CGGBP1: variants seen among roughly 807,000 people sequenced by gnomAD.
CGGBP1 encodes the protein CGG triplet repeat-binding protein 1.
CGGBP1 carries 4 observed loss-of-function variants against 11.4 expected under a neutral mutation model. The observed-to-expected ratio is 0.35, with a 90% CI of 0.17 to 0.80. CGGBP1 has a LOEUF of 0.80. Ranked by LOEUF, CGGBP1 falls within the 30% of genes least tolerant of loss-of-function variation. The pLI is 0.52. For missense variants in CGGBP1, 135 were observed against 202.1 expected, an observed-to-expected ratio of 0.67 and a Z score of 2.01; for synonymous variants, 76 against 74.1, an observed-to-expected ratio of 1.03 and a Z score of -0.13.
At chr3:88,131,803 C>T (rs1201816243) in intron 2 of CGGBP1, among the ~76,000 whole-genome samples, 1 of 151,970 alleles carries the variant, frequency 6.6e-6, no homozygotes, top group African/African-American at 2.4e-5. Context: ...CCTTTTCTTC[C>T]TATTAAAAGT....
upstream of CGGBP1, among the ~76,000 whole-genome samples, chr3:88,061,426 T>C (rs569307142): frequency 2.0e-5 from 3 of 152,314 alleles, no homozygotes; most frequent in East Asian, 5.8e-4. Flanking sequence ...TGAACGTTTA[T>C]TTTCTATTGC....
At position 88,126,528 on chromosome 3, in the gene CGGBP1, G is replaced by A. The variant is rs146934589; in HGVS notation, c.-229+14442C>T. 3.6e-4 allele frequency among the ~76,000 whole-genome samples: 51 copies of A among 142,488 alleles called. 1 individual carries two copies. The East Asian group carries it at 0.011, about 30-fold the overall frequency. 93.5% of individuals were successfully genotyped at this position (142,488 alleles called of 152,430 possible). On this transcript the variant is annotated intron_variant, in intron 2 of 3. Coordinates refer to the CGGBP1 transcript ENST00000462901. ...TAGATGTTATTTATTTACAGAGAGT[G>A]TATTTTTGTCACTTCAGTTATATTA...
intron 2 of CGGBP1, among the ~76,000 whole-genome samples, chr3:88,120,709 C>A (rs532421844): frequency 6.6e-6 from 1 of 152,110 alleles, no homozygotes; most frequent in South Asian, 2.1e-4. Context: ...ATATTACTTA[C>A]GCACATGTAC....
chr3:88,088,573 G>A (rs1708457738), intron 2 of CGGBP1, among the ~76,000 whole-genome samples: 1 of 152,100 alleles, frequency 6.6e-6, no homozygotes, highest in Non-Finnish European at 1.5e-5. Context: ...TAAAGCTGAA[G>A]AAGAAATCCA....
intron 2 of CGGBP1, chr3:88,086,468 T>C (rs1261885939): frequency 3.8e-5 from 49 of 1,292,436 alleles, no homozygotes; most frequent in Non-Finnish European, 4.7e-5. Flanking sequence ...TTGTTTTTGA[T>C]AATTTCTTCT....
At chr3:88,072,302 A>G (rs1431270869) in intron 2 of CGGBP1, among the ~76,000 whole-genome samples, 1 of 152,072 alleles carries the variant, frequency 6.6e-6, no homozygotes, top group Non-Finnish European at 1.5e-5. Context: ...CTTTCAGTTT[A>G]TTTTTTACAC....
chr3:88,124,486 C>A (rs963575463), intron 2 of CGGBP1, among the ~76,000 whole-genome samples: 2 of 152,072 alleles, frequency 1.3e-5, no homozygotes, highest in South Asian at 2.1e-4. Context: ...ACAAGTAAAA[C>A]CTCTTTTGTA....
At chr3:88,074,593 C>G (rs760948077) in intron 2 of CGGBP1, among the ~76,000 whole-genome samples, 36 of 152,066 alleles carry the variant, frequency 2.4e-4, no homozygotes, top group Non-Finnish European at 5.1e-4. Flanking sequence ...CCGCCTGCCT[C>G]GGCCTTCCAA....
chr3:88,108,802 T>A (rs2107747749), intron 2 of CGGBP1, among the ~76,000 whole-genome samples: 1 of 152,056 alleles, frequency 6.6e-6, no homozygotes, highest in African/African-American at 2.4e-5. Context: ...AGTGCTTCAG[T>A]TGAAAAGGTT....
At chr3:88,113,214 A>G in intron 2 of CGGBP1, 3 of 1,468,160 alleles carry the variant, frequency 2.0e-6, no homozygotes, top group Non-Finnish European at 2.8e-6. Flanking sequence ...ACAGTTTACT[A>G]CTTCACACTT....
intron 2 of CGGBP1, among the ~76,000 whole-genome samples, chr3:88,076,372 T>G (rs1448869869): frequency 1.3e-5 from 2 of 152,188 alleles, no homozygotes; most frequent in Non-Finnish European, 2.9e-5. Flanking sequence ...ATCTATAATT[T>G]TTTTTCCCCA....
At chr3:88,095,468 C>A in intron 2 of CGGBP1, 1 of 392,304 alleles carries the variant, frequency 2.5e-6, no homozygotes, top group South Asian at 2.0e-5. Context: ...CATGCAACAT[C>A]AGTCTCTCTT....
At chr3:88,112,558 G>A (rs1412425734) in intron 2 of CGGBP1, among the ~76,000 whole-genome samples, 4 of 151,938 alleles carry the variant, frequency 2.6e-5, no homozygotes, top group Non-Finnish European at 5.9e-5. Context: ...CCTGTTATGA[G>A]TGGGATAATC....
chr3:88,079,751 TTCTG>T (rs1172315959), intron 2 of CGGBP1, among the ~76,000 whole-genome samples: 2 of 152,082 alleles, frequency 1.3e-5, no homozygotes, highest in African/African-American at 2.4e-5. Flanking sequence ...TTTGAAAAGA[TTCTG>T]TCTTATTACA....
upstream of CGGBP1, chr3:88,059,413 G>C: frequency 2.0e-6 from 3 of 1,531,274 alleles, no homozygotes; most frequent in Non-Finnish European, 2.6e-6. Context: ...GGGGCTTAGA[G>C]CTGCGGGCGA....
intron 2 of CGGBP1, among the ~76,000 whole-genome samples, chr3:88,105,039 C>T (rs920163394): frequency 6.6e-6 from 1 of 152,174 alleles, no homozygotes. Context: ...ACTCGGGAGA[C>T]TGAGGCAGAA....
At chr3:88,129,710 G>C in intron 2 of CGGBP1, 1 of 1,505,546 alleles carries the variant, frequency 6.6e-7, no homozygotes, top group Non-Finnish European at 8.9e-7. Context: ...CTGATTGTAA[G>C]AGTGGAATTG....
intron 2 of CGGBP1, among the ~76,000 whole-genome samples, chr3:88,134,180 T>C (rs1706630082): frequency 6.6e-6 from 1 of 152,006 alleles, no homozygotes; most frequent in Non-Finnish European, 1.5e-5. Flanking sequence ...AATTTTGGTT[T>C]TACTACTCAT....
rs60775949 is a variant in CGGBP1 at position 88,064,145 on chromosome 3, T to C, written c.-228-5922A>G. On this transcript the variant is annotated intron_variant, in intron 2 of 3. Coordinates refer to the CGGBP1 transcript ENST00000462901. Reference sequence around the variant, plus strand: ...TTTTGCCACAGCTTATAACAAAAAATAGCAGTCATGCCCTGTCCTCTTCCT... The same window carrying C: ...TTTTGCCACAGCTTATAACAAAAAACAGCAGTCATGCCCTGTCCTCTTCCT... Among the ~76,000 whole-genome samples the C allele has an allele frequency of 3.1e-3, 455 of 147,000 alleles. 3 individuals carry two copies. Among genetic ancestry groups the C allele is most frequent in the African/African-American group, 0.011 (437 of 39,960 alleles).
Sources: gnomAD v4.1 joint callset for allele counts (sites outside exome capture counted in the v4.1 genomes callset) on GRCh38, gnomAD v4.1.1 for gene constraint, MANE v1.5 for transcripts, NCBI Gene and HGNC (gene_info 2026-07-23, HGNC 2026-07-21) for gene names.